RSF1: variants seen among roughly 807,000 people sequenced by gnomAD.
RSF1 encodes the protein remodeling and spacing factor 1.
A neutral mutation model predicts 145.2 loss-of-function variants in RSF1; 13 were observed. That is an observed-to-expected ratio of 0.09 (90% CI 0.06 to 0.14). The LOEUF (loss-of-function observed/expected upper bound fraction) is 0.14. Ranked by LOEUF, RSF1 falls within the 10% of genes least tolerant of loss-of-function variation. RSF1 has a pLI of 1.00. For synonymous variants in RSF1, 577 were observed against 592.6 expected, an observed-to-expected ratio of 0.97 and a Z score of 0.38; for missense variants, 1,517 against 1,718.2, an observed-to-expected ratio of 0.88 and a Z score of 2.07.
chr11:77,714,397 A>C (rs986644734), intron 5 of RSF1, among the ~76,000 whole-genome samples: 6 of 152,238 alleles, frequency 3.9e-5, no homozygotes, highest in Non-Finnish European at 8.8e-5. Flanking sequence ...CATGAATGAT[A>C]AATTTTCCCC....
chr11:77,706,766 T>C (rs1271667801), intron 5 of RSF1, among the ~76,000 whole-genome samples: 1 of 152,162 alleles, frequency 6.6e-6, no homozygotes, highest in Non-Finnish European at 1.5e-5. Context: ...TATTTTGTCA[T>C]CCAGGCAATA....
chr11:77,842,573 G>A, the RSF1 span: 1 of 1,614,072 alleles, frequency 6.2e-7, no homozygotes, highest in East Asian at 2.2e-5. Context: ...TATAAGGACT[G>A]CAAAGTATGG....
At chr11:77,759,884 G>A (rs1948154615) in intron 2 of RSF1, among the ~76,000 whole-genome samples, 1 of 147,334 alleles carries the variant, frequency 6.8e-6, no homozygotes, top group South Asian at 2.1e-4. Context: ...GCATAGCACT[G>A]AGTTTATAAT....
At chr11:77,842,162 T>C in the RSF1 span, among the ~76,000 whole-genome samples, 1 of 152,144 alleles carries the variant, frequency 6.6e-6, no homozygotes, top group Non-Finnish European at 1.5e-5. Flanking sequence ...TATAGTTTCT[T>C]CTTGGGGAGA....
intron 1 of RSF1, among the ~76,000 whole-genome samples, chr11:77,774,573 A>AAAATAAATAAAT (rs59146627): frequency 3.2e-4 from 43 of 133,128 alleles, no homozygotes; most frequent in South Asian, 7.7e-4. Flanking sequence ...TCTGTCTCAA[A>AAAATAAATAAAT]AAATAAATAA....
chr11:77,808,043 A>C (rs1948694573), intron 1 of RSF1, among the ~76,000 whole-genome samples: 1 of 152,164 alleles, frequency 6.6e-6, no homozygotes, highest in South Asian at 2.1e-4. Context: ...TTTTTAAATA[A>C]AAAAATTAGG....
At chr11:77,727,187 CTTTA>C (rs781671221) in intron 4 of RSF1, among the ~76,000 whole-genome samples, 1 of 152,120 alleles carries the variant, frequency 6.6e-6, no homozygotes, top group African/African-American at 2.4e-5. Context: ...GACTCAGAGA[CTTTA>C]TTTATTTTTG....
chr11:77,682,653 G>A (rs1959894983), intron 11 of RSF1, among the ~76,000 whole-genome samples: 2 of 152,146 alleles, frequency 1.3e-5, no homozygotes, highest in Non-Finnish European at 1.5e-5. Flanking sequence ...ACTATGCTAG[G>A]TATAGGGGAC....
At chr11:77,869,160 T>C in the RSF1 span, 1 of 244,730 alleles carries the variant, frequency 4.1e-6, no homozygotes, top group East Asian at 9.7e-5. Context: ...AGGACATATA[T>C]TGGGTGCATC....
chr11:77,662,680 T>A lies in RSF1; in HGVS notation c.*4237A>T, dbSNP rs1267825900. On this transcript the variant is annotated 3_prime_UTR_variant, in exon 16 of 16. Coordinates refer to ENST00000308488, the MANE Select transcript of RSF1 (RefSeq NM_016578.4). Reference sequence around the variant, plus strand: ...AATGACACAAAAAAATCAGTTAACTTGCCACTTCCAAGGTAGGTTTACAGG... The same window carrying A: ...AATGACACAAAAAAATCAGTTAACTAGCCACTTCCAAGGTAGGTTTACAGG... The A allele has an allele frequency of 6.6e-6, 1 of 152,122 alleles. No individual in the cohort carries two copies. The highest frequency in any genetic ancestry group is 2.4e-5 in the African/African-American group (1 of 41,442). The allele number at this position is 152,122 out of a possible 1,614,324, so 9.4% of individuals were successfully genotyped here. A position where few individuals can be genotyped will look rare whatever the true frequency, so the allele number is the denominator to read the frequency against.
intron 1 of RSF1, among the ~76,000 whole-genome samples, chr11:77,810,873 T>A (rs1948724404): frequency 1.3e-5 from 2 of 152,194 alleles, no homozygotes; most frequent in African/African-American, 4.8e-5. Context: ...ATCAGTAAAT[T>A]TTTTTCTGTA....
chr11:77,739,740 T>C (rs1206591975), intron 4 of RSF1, among the ~76,000 whole-genome samples: 1 of 152,234 alleles, frequency 6.6e-6, no homozygotes. Flanking sequence ...GACCCCGATA[T>C]CTTCCAAATT....
chr11:77,693,645 G>T, intron 7 of RSF1, 34 bp from the exon 8 acceptor site: 1 of 1,473,812 alleles, frequency 6.8e-7, no homozygotes, highest in South Asian at 1.2e-5. Flanking sequence ...ACCTAACTAT[G>T]ACTAAAATTC....
intron 2 of RSF1, among the ~76,000 whole-genome samples, chr11:77,753,268 C>G (rs1034865937): frequency 2.6e-5 from 4 of 152,190 alleles, no homozygotes; most frequent in Non-Finnish European, 5.9e-5. Context: ...ATCGCCTTTG[C>G]AAAAATTATA....
At chr11:77,757,916 G>C (rs538883617) in intron 2 of RSF1, among the ~76,000 whole-genome samples, 2 of 152,116 alleles carry the variant, frequency 1.3e-5, no homozygotes, top group Non-Finnish European at 2.9e-5. Context: ...GATTACTTGA[G>C]CTCAGGAGTT....
chr11:77,799,472 T>C (rs1948605793), intron 1 of RSF1, among the ~76,000 whole-genome samples: 5 of 145,740 alleles, frequency 3.4e-5, no homozygotes, highest in African/African-American at 1.3e-4. Context: ...TCTATGCACT[T>C]CAGCCTGGGT....
rs200039221 is a variant in RSF1 at position 77,814,888 on chromosome 11, T to TG, written c.187+5639dup. ...TAGTGACTTGGAAACCCCCAAAATA[T>TG]GGTTTTTTTTTAATTTCAGTGCCTC... On this transcript the variant is annotated intron_variant, in intron 1 of 15. Transcript: ENST00000308488. Among the ~76,000 whole-genome samples, 6 of 148,922 alleles carry TG rather than the reference T, an allele frequency of 4.0e-5. 1 individual carries two copies. Among genetic ancestry groups the TG allele is most frequent in the Admixed American group, 3.4e-4 (5 of 14,512 alleles).
chr11:77,869,773 G>A, the RSF1 span: 1 of 1,614,010 alleles, frequency 6.2e-7, no homozygotes, highest in Non-Finnish European at 8.5e-7. Flanking sequence ...TGAGAAGGGT[G>A]TACAGACTCT....
chr11:77,713,554 C>T (rs1960737571), intron 5 of RSF1, among the ~76,000 whole-genome samples: 1 of 152,212 alleles, frequency 6.6e-6, no homozygotes, highest in South Asian at 2.1e-4. Context: ...CCAACTACTT[C>T]AGGAAAGTGT....
Sources: gnomAD v4.1 joint callset for allele counts (sites outside exome capture counted in the v4.1 genomes callset) on GRCh38, gnomAD v4.1.1 for gene constraint, MANE v1.5 for transcripts, NCBI Gene and HGNC (gene_info 2026-07-23, HGNC 2026-07-21) for gene names.